Variants in ARHGEF12 observed in about 807,000 individuals in gnomAD.
The protein encoded by ARHGEF12 is Rho guanine nucleotide exchange factor 12, also known as KMT2A/ARHGEF12 fusion protein.
A neutral mutation model predicts 211.2 loss-of-function variants in ARHGEF12; 66 were observed. The observed-to-expected ratio is 0.31, with a 90% CI of 0.26 to 0.38. The LOEUF (loss-of-function observed/expected upper bound fraction) is 0.38. Ranked by LOEUF, ARHGEF12 falls within the 10% of genes least tolerant of loss-of-function variation. The pLI is 1.00. For missense variants in ARHGEF12, 1,429 were observed against 1,869.5 expected, an observed-to-expected ratio of 0.76 and a Z score of 4.34; for synonymous variants, 592 against 638.4, an observed-to-expected ratio of 0.93 and a Z score of 1.09.
At chr11:120,445,529 G>T in intron 16 of ARHGEF12, 65 bp downstream of exon 16, 2 of 1,503,980 alleles carry the variant, frequency 1.3e-6, no homozygotes, top group South Asian at 1.1e-5. Context: ...CAGCTCATCT[G>T]TTCAGGTTTT....
intron 1 of ARHGEF12, among the ~76,000 whole-genome samples, chr11:120,374,753 A>G (rs570503724): frequency 2.0e-5 from 3 of 152,210 alleles, no homozygotes; most frequent in Non-Finnish European, 2.9e-5. Flanking sequence ...TTTTCTTTTT[A>G]AATTGTGAAA....
intron 2 of ARHGEF12, among the ~76,000 whole-genome samples, 169 bp from the exon 3 acceptor site, chr11:120,407,569 C>T (rs902531724): frequency 2.0e-5 from 3 of 152,090 alleles, no homozygotes; most frequent in Non-Finnish European, 4.4e-5. Context: ...AGTAAATAGA[C>T]TGTGTATAAC....
In ARHGEF12 at chr11:120,481,238, A is replaced by G. The variant is rs375529708; in HGVS notation, c.4238-22A>G. On this transcript the variant is annotated intron_variant, in intron 38 of 40. Transcript: ENST00000397843. Reference sequence around the variant, plus strand: ...CTAATGGCAGCACTGGTCTTATCAAACTATTCTGTCTCTATCCATAGGAAA... The same window carrying G: ...CTAATGGCAGCACTGGTCTTATCAAGCTATTCTGTCTCTATCCATAGGAAA... The G allele has an allele frequency of 1.9e-6, 3 of 1,605,778 alleles. No individual in the cohort carries two copies. The African/African-American group carries it at 4.0e-5, about 21-fold the overall frequency.
Position 120,366,083 on chromosome 11 carries a change from C to A in ARHGEF12, c.32+28808C>A, listed in dbSNP as rs571408694. 4.6e-5 allele frequency: 7 copies of A among 152,326 alleles called. No individual in the cohort carries two copies. In the East Asian group the frequency reaches 1.2e-3, roughly 25 times the overall value. 9.4% of individuals were successfully genotyped at this position (152,326 alleles called of 1,614,324 possible). The stretch of plus-strand genomic sequence containing the variant: ...CACCAGCCTGGGCAACATAACAAGA[C>A]CCTGTCTCTACAGTAAGTAAAAAAT... On this transcript the variant is annotated intron_variant, in intron 1 of 40. Transcript: ENST00000397843.
chr11:120,365,186 A>G (rs368317071), intron 1 of ARHGEF12, among the ~76,000 whole-genome samples: 3 of 151,892 alleles, frequency 2.0e-5, no homozygotes, highest in East Asian at 1.9e-4. Context: ...AACTATGTGT[A>G]TATATATATA....
chr11:120,482,417 G>C lies in ARHGEF12; in HGVS notation c.4554+841G>C, dbSNP rs144024138. Among the ~76,000 whole-genome samples the C allele has an allele frequency of 1.8e-3, 281 of 152,228 alleles. 1 individual carries two copies. Among genetic ancestry groups the C allele is most frequent in the Non-Finnish European group, 3.4e-3 (233 of 68,012 alleles). ...GATGTCACTATTGCAAAACTGACTT[G>C]TGTGGCAATTTCCAAGAGAAAGACC... On this transcript the variant is annotated intron_variant, in intron 39 of 40. Coordinates refer to ENST00000397843, the MANE Select transcript of ARHGEF12 (RefSeq NM_015313.3).
chr11:120,459,680 T>C lies in ARHGEF12; in HGVS notation c.2527+360T>C, dbSNP rs556419494. 5.3e-5 allele frequency among the ~76,000 whole-genome samples: 8 copies of C among 152,280 alleles called. No homozygotes were observed. The South Asian group carries it at 1.7e-3, about 32-fold the overall frequency. ...GTTTTGTAAATAGTAGTGTATGGTA[T>C]ATAATCACATGGTTCGGTAATTTTT... On this transcript the variant is annotated intron_variant, in intron 26 of 40. Coordinates refer to ENST00000397843, the MANE Select transcript of ARHGEF12 (RefSeq NM_015313.3).
chr11:120,438,495 A>G (rs752439504), intron 12 of ARHGEF12: 2 of 152,126 alleles, frequency 1.3e-5, no homozygotes, highest in African/African-American at 2.4e-5. Context: ...TAAAGAAAAT[A>G]ATAAGAGTTG....
chr11:120,442,427 T>TATATATAC (rs1156564301), intron 15 of ARHGEF12, among the ~76,000 whole-genome samples: 23 of 144,050 alleles, frequency 1.6e-4, no homozygotes, highest in African/African-American at 5.7e-4. Context: ...TATATATATA[T>TATATATAC]ACACACACAC....
chr11:120,381,903 A>T (rs12291110), intron 1 of ARHGEF12, among the ~76,000 whole-genome samples: 3 of 152,204 alleles, frequency 2.0e-5, no homozygotes, highest in African/African-American at 7.2e-5. Flanking sequence ...GGAATGATAC[A>T]GTCTTTGGAT....
intron 1 of ARHGEF12, among the ~76,000 whole-genome samples, chr11:120,396,949 A>C (rs567444360): frequency 2.9e-4 from 44 of 152,316 alleles, no homozygotes; most frequent in African/African-American, 1.0e-3. Context: ...TCTCTATATG[A>C]GTTTAGTGCT....
intron 1 of ARHGEF12, among the ~76,000 whole-genome samples, chr11:120,404,586 C>T (rs908855315): frequency 2.6e-5 from 4 of 152,022 alleles, no homozygotes; most frequent in African/African-American, 7.2e-5. Context: ...TTTTCATTAC[C>T]TTGTAAGAGA....
At chr11:120,378,671 G>T (rs1363749180) in intron 1 of ARHGEF12, among the ~76,000 whole-genome samples, 1 of 152,176 alleles carries the variant, frequency 6.6e-6, no homozygotes, top group Non-Finnish European at 1.5e-5. Context: ...TGTGAGGTAA[G>T]GATTAAAGTT....
chr11:120,429,629 T>G, intron 9 of ARHGEF12, 83 bp from the exon 10 acceptor site: 1 of 1,556,136 alleles, frequency 6.4e-7, no homozygotes, highest in Admixed American at 1.8e-5. Flanking sequence ...TGCCATTAGT[T>G]ATATTATTGA....
chr11:120,354,188 C>T (rs1172179522), intron 1 of ARHGEF12, among the ~76,000 whole-genome samples: 1 of 152,128 alleles, frequency 6.6e-6, no homozygotes, highest in East Asian at 1.9e-4. Context: ...CTGGGAGAGG[C>T]TTCTGAGAGA....
intron 1 of ARHGEF12, among the ~76,000 whole-genome samples, chr11:120,390,781 C>T (rs1944189664): frequency 6.6e-6 from 1 of 152,110 alleles, no homozygotes. Flanking sequence ...AGCAAGGGTT[C>T]TAGTTAGACT....
rs559659495 is a variant in ARHGEF12, at chr11:120,350,140, C to CT, written c.32+12867dup. ...ATTGTCTTGGCAGTTATTTTGAGCT[C>CT]TTGCTACCTGCTGAATTATATCTTA... is the stretch of plus-strand genomic sequence containing the variant. On this transcript the variant is annotated intron_variant, in intron 1 of 40. Transcript: ENST00000397843. 1.8e-3 allele frequency among the ~76,000 whole-genome samples: 271 copies of CT among 152,094 alleles called. 1 individual carries two copies. The highest frequency in any genetic ancestry group is 3.1e-3 in the Non-Finnish European group (211 of 67,978).
chr11:120,481,159 C>A, intron 38 of ARHGEF12, 101 bp from the exon 39 acceptor site: 1 of 1,073,196 alleles, frequency 9.3e-7, no homozygotes. Flanking sequence ...GCTTTTCCCT[C>A]TCTTAATAAC....
chr11:120,433,890 G>A (rs937640379), intron 11 of ARHGEF12, among the ~76,000 whole-genome samples: 10 of 152,224 alleles, frequency 6.6e-5, no homozygotes, highest in African/African-American at 1.9e-4. Flanking sequence ...CCAGGGAGGC[G>A]GAGGTTGCAG....
Sources: allele counts gnomAD v4.1 joint callset (sites outside exome capture counted in the v4.1 genomes callset), GRCh38; gene constraint gnomAD v4.1.1; transcripts MANE v1.5; gene names NCBI Gene and HGNC (gene_info 2026-07-23, HGNC 2026-07-21).